Variants in KCNIP4 observed in about 807,000 individuals in gnomAD.
The protein encoded by KCNIP4 is Kv channel-interacting protein 4.
In KCNIP4, 12 loss-of-function variants were observed where a neutral mutation model predicts 34.0. The observed-to-expected ratio is 0.35, with a 90% CI of 0.23 to 0.57. The LOEUF (loss-of-function observed/expected upper bound fraction) is 0.57. Among genes scored for constraint, KCNIP4 ranks in the 20% least tolerant of loss-of-function variants. The probability of loss-of-function intolerance (pLI) is 0.83; values close to 1 mark genes in which losing one functional copy is unlikely to be tolerated. For missense variants in KCNIP4, 238 were observed against 311.7 expected (o/e 0.76, Z 1.78); for synonymous variants, 124 against 102.2 (o/e 1.21, Z -1.29).
intron 1 of KCNIP4, among the ~76,000 whole-genome samples, chr4:21,640,624 C>A (rs899185647): frequency 6.6e-6 from 1 of 152,164 alleles, no homozygotes; most frequent in Non-Finnish European, 1.5e-5. Context: ...CAAACTGATA[C>A]AGCCCTTTCT....
chr4:20,847,538 G>A (rs1313600357), intron 3 of KCNIP4, among the ~76,000 whole-genome samples: 1 of 127,684 alleles, frequency 7.8e-6, no homozygotes, highest in African/African-American at 2.7e-5. Flanking sequence ...GTCTCTATCA[G>A]CTGCTCACTT....
intron 1 of KCNIP4, among the ~76,000 whole-genome samples, chr4:21,804,455 C>G (rs377297086): frequency 1.5e-4 from 23 of 152,300 alleles, no homozygotes; most frequent in East Asian, 3.9e-4. Flanking sequence ...CAGTTGACCA[C>G]AGAAATTTCA....
intron 1 of KCNIP4, among the ~76,000 whole-genome samples, chr4:21,554,423 A>C (rs1738821494): frequency 6.6e-6 from 1 of 152,156 alleles, no homozygotes; most frequent in Non-Finnish European, 1.5e-5. Flanking sequence ...TTTCTAAGGC[A>C]GACATTCTAT....
At chr4:20,905,308 T>C (rs1312908440) in intron 1 of KCNIP4, among the ~76,000 whole-genome samples, 2 of 152,106 alleles carry the variant, frequency 1.3e-5, no homozygotes, top group Non-Finnish European at 2.9e-5. Flanking sequence ...TTTTCTCTTT[T>C]TATAAGGAAA....
intron 2 of KCNIP4, among the ~76,000 whole-genome samples, chr4:20,870,589 C>T (rs1284875318): frequency 6.6e-6 from 1 of 152,100 alleles, no homozygotes; most frequent in Non-Finnish European, 1.5e-5. Flanking sequence ...CTTCATTTTG[C>T]AGGCACTTCT....
At chr4:20,880,583 T>G (rs1037071168) in intron 2 of KCNIP4, among the ~76,000 whole-genome samples, 2 of 152,230 alleles carry the variant, frequency 1.3e-5, no homozygotes, top group Non-Finnish European at 2.9e-5. Flanking sequence ...CAGACGCTGG[T>G]GCAGAAGAGT....
chr4:21,290,908 C>A (rs1300747417), intron 1 of KCNIP4, among the ~76,000 whole-genome samples: 1 of 152,190 alleles, frequency 6.6e-6, no homozygotes, highest in African/African-American at 2.4e-5. Flanking sequence ...GTAAGCTAAG[C>A]ACTTCATGTC....
chr4:21,557,293 G>A (rs751994317), intron 1 of KCNIP4, among the ~76,000 whole-genome samples: 27 of 151,960 alleles, frequency 1.8e-4, no homozygotes, highest in Admixed American at 1.4e-3. Flanking sequence ...ATTTTCCACC[G>A]TGGATATTAC....
At chr4:21,442,295 AC>A (rs1460867816) in intron 1 of KCNIP4, among the ~76,000 whole-genome samples, 1 of 152,140 alleles carries the variant, frequency 6.6e-6, no homozygotes, top group Non-Finnish European at 1.5e-5. Context: ...TCATCATGTT[AC>A]CAAGCATCAG....
intron 1 of KCNIP4, among the ~76,000 whole-genome samples, chr4:20,926,685 A>AGG (rs1729926528): frequency 6.6e-6 from 1 of 152,180 alleles, no homozygotes; most frequent in Non-Finnish European, 1.5e-5. Flanking sequence ...AGATTCTTTA[A>AGG]GGCACACTTG....
chr4:20,905,387 T>G (rs1727624172), intron 1 of KCNIP4, among the ~76,000 whole-genome samples: 1 of 152,108 alleles, frequency 6.6e-6, no homozygotes, highest in Non-Finnish European at 1.5e-5. Flanking sequence ...AATCACAACC[T>G]CACAGATTGG....
chr4:21,356,628 CAAG>C (rs1718635088), intron 1 of KCNIP4, among the ~76,000 whole-genome samples: 1 of 152,070 alleles, frequency 6.6e-6, no homozygotes, highest in South Asian at 2.1e-4. Flanking sequence ...AGGACCTCTT[CAAG>C]AAGAACTACA....
At chr4:20,771,962 G>A (rs1755928741) in intron 3 of KCNIP4, among the ~76,000 whole-genome samples, 1 of 152,064 alleles carries the variant, frequency 6.6e-6, no homozygotes, top group Admixed American at 6.6e-5. Context: ...GAGCCACTGT[G>A]CCCAGCTGAA....
At chr4:21,005,718 A>G (rs1738493234) in intron 1 of KCNIP4, among the ~76,000 whole-genome samples, 1 of 152,136 alleles carries the variant, frequency 6.6e-6, no homozygotes, top group Non-Finnish European at 1.5e-5. Flanking sequence ...ATAGAATTTA[A>G]GAGGCCTCAT....
At chr4:21,470,561 C>T (rs1253340221) in intron 1 of KCNIP4, among the ~76,000 whole-genome samples, 3 of 152,172 alleles carry the variant, frequency 2.0e-5, no homozygotes, top group Non-Finnish European at 2.9e-5. Flanking sequence ...GGCAAATGCA[C>T]TAGACATTGC....
chr4:21,804,448 T>A (rs930815672), intron 1 of KCNIP4, among the ~76,000 whole-genome samples: 1 of 152,230 alleles, frequency 6.6e-6, no homozygotes, highest in African/African-American at 2.4e-5. Context: ...GCCAGCTCAG[T>A]TGACCACAGA....
rs945894988 is a variant in KCNIP4, at chr4:21,343,581, A to G, written c.62-460872T>C. 2.6e-5 allele frequency among the ~76,000 whole-genome samples: 4 copies of G among 152,114 alleles called. No individual in the cohort carries two copies. In the East Asian group the frequency reaches 7.7e-4, roughly 29 times the overall value. ...CATAGAATAAAAATGCTGCTTGTCT[A>G]TGAAAGTCTTTACCAGGATCCATGA... On this transcript the variant is annotated intron_variant, in intron 1 of 8. Coordinates refer to ENST00000382152, the MANE Select transcript of KCNIP4 (RefSeq NM_025221.6).
At chr4:20,940,250 T>G (rs73242582) in intron 1 of KCNIP4, among the ~76,000 whole-genome samples, 7,791 of 152,278 alleles carry the variant, frequency 0.051, 202 homozygotes, top group Middle Eastern at 0.1. Flanking sequence ...TAGATGCAAT[T>G]TCTCAGTCGT....
chr4:21,578,683 G>A (rs1457174565), intron 1 of KCNIP4, among the ~76,000 whole-genome samples: 2 of 152,100 alleles, frequency 1.3e-5, no homozygotes, highest in Non-Finnish European at 2.9e-5. Flanking sequence ...GTTTCTTCCA[G>A]TTCGAGTATA....
Sources: allele counts gnomAD v4.1 joint callset (sites outside exome capture counted in the v4.1 genomes callset), GRCh38; gene constraint gnomAD v4.1.1; transcripts MANE v1.5; gene names NCBI Gene and HGNC (gene_info 2026-07-23, HGNC 2026-07-21).